CHRM5: variants seen among roughly 807,000 people sequenced by gnomAD.
CHRM5 encodes cholinergic receptor muscarinic 5.
Under a neutral mutation model 39.0 loss-of-function variants are expected in CHRM5, and 18 were observed. The ratio of observed to expected loss-of-function variants is 0.46; its 90% CI spans 0.32 to 0.68. CHRM5 has a LOEUF of 0.68. Among genes scored for constraint, CHRM5 ranks in the 30% least tolerant of loss-of-function variants. CHRM5 has a pLI of 0.04. For missense variants in CHRM5, 515 were observed against 651.1 expected (o/e 0.79, Z 2.28); for synonymous variants, 241 against 246.3 (o/e 0.98, Z 0.20).
In CHRM5 at chr15:34,047,519, A is replaced by G. The variant is rs148743275; in HGVS notation, c.-76+648A>G. 4.2e-3 allele frequency among the ~76,000 whole-genome samples: 646 copies of G among 152,246 alleles called. 1 individual carries two copies. Among genetic ancestry groups the G allele is most frequent in the Non-Finnish European group, 6.9e-3 (468 of 68,000 alleles). On this transcript the variant is annotated intron_variant, in intron 2 of 2. Coordinates refer to ENST00000383263, the MANE Select transcript of CHRM5 (RefSeq NM_012125.4). ...GGCCCCACTTCCCTGGCACCTCACA[A>G]GATAAGACCCACTGACTTGGAATTC... is the stretch of plus-strand genomic sequence containing the variant.
At chr15:34,031,500 G>A (rs932001384) in intron 1 of CHRM5, among the ~76,000 whole-genome samples, 1 of 152,142 alleles carries the variant, frequency 6.6e-6, no homozygotes, top group African/African-American at 2.4e-5. Context: ...TAAAATGTTT[G>A]CTATCCCTCA....
At chr15:33,980,995 A>C (rs1896115627) in intron 1 of CHRM5, among the ~76,000 whole-genome samples, 1 of 152,182 alleles carries the variant, frequency 6.6e-6, no homozygotes, top group Non-Finnish European at 1.5e-5. Flanking sequence ...TCACTTTAAA[A>C]TAGAGATCAT....
At chr15:33,972,976 T>C (rs1486972631) in intron 1 of CHRM5, among the ~76,000 whole-genome samples, 2 of 152,238 alleles carry the variant, frequency 1.3e-5, no homozygotes, top group African/African-American at 4.8e-5. Flanking sequence ...CAGTGGTGTG[T>C]AGAGAATTCT....
intron 1 of CHRM5, chr15:34,038,649 C>T: frequency 2.4e-6 from 2 of 845,540 alleles, no homozygotes; most frequent in Non-Finnish European, 2.9e-6. Context: ...CCGCCCGTCC[C>T]GCGCAGGCGC....
chr15:34,014,389 AAC>A (rs367660501), intron 1 of CHRM5, among the ~76,000 whole-genome samples: 52,568 of 90,622 alleles, frequency 0.58, 19,323 homozygotes, highest in Non-Finnish European at 0.75. Context: ...AAAAAACAAA[AAC>A]AAAAACCACG....
chr15:34,015,892 A>G (rs1897881840), intron 1 of CHRM5, among the ~76,000 whole-genome samples: 1 of 152,234 alleles, frequency 6.6e-6, no homozygotes, highest in Non-Finnish European at 1.5e-5. Flanking sequence ...CAACAATTGG[A>G]GACAGTACAT....
chr15:34,028,752 T>G (rs979382319), intron 1 of CHRM5, among the ~76,000 whole-genome samples: 3 of 152,142 alleles, frequency 2.0e-5, no homozygotes, highest in Non-Finnish European at 4.4e-5. Flanking sequence ...GAAGTTTCAG[T>G]AACTTTCCTG....
chr15:34,002,330 C>T (rs1897167750), intron 1 of CHRM5, among the ~76,000 whole-genome samples: 1 of 152,040 alleles, frequency 6.6e-6, no homozygotes, highest in Non-Finnish European at 1.5e-5. Context: ...TCCCACCCTC[C>T]CATCCCCAAC....
chr15:34,060,378 A>G (rs1207774494), intron 2 of CHRM5, among the ~76,000 whole-genome samples: 1 of 152,158 alleles, frequency 6.6e-6, no homozygotes, highest in Non-Finnish European at 1.5e-5. Flanking sequence ...CATCAACTCG[A>G]TTCCATATTG....
intron 1 of CHRM5, chr15:34,018,166 G>C (rs7175970): frequency 6.6e-6 from 1 of 152,188 alleles, no homozygotes; most frequent in African/African-American, 2.4e-5. Context: ...TATTCCAAAA[G>C]AAGGCATTGT....
chr15:34,000,627 C>CT (rs1243525110), intron 1 of CHRM5, among the ~76,000 whole-genome samples: 1 of 152,158 alleles, frequency 6.6e-6, no homozygotes, highest in East Asian at 1.9e-4. Context: ...GTCAGCTTAC[C>CT]TAGAAAACAC....
chr15:34,015,185 A>C (rs1226689017), intron 1 of CHRM5, among the ~76,000 whole-genome samples: 4 of 152,210 alleles, frequency 2.6e-5, no homozygotes, highest in Non-Finnish European at 5.9e-5. Flanking sequence ...GCACTTTTTA[A>C]AAAATTCCAC....
At chr15:34,017,545 C>G (rs546129774) in intron 1 of CHRM5, among the ~76,000 whole-genome samples, 7 of 137,252 alleles carry the variant, frequency 5.1e-5, no homozygotes, top group Non-Finnish European at 1.1e-4. Flanking sequence ...TGCAGTACTG[C>G]GATCAGCTTA....
chr15:33,993,837 AG>A (rs901339230), intron 1 of CHRM5, among the ~76,000 whole-genome samples: 7 of 3,062 alleles, frequency 2.3e-3, no homozygotes, highest in Admixed American at 0.014. Context: ...CTTAAAAAAT[AG>A]GGTTTTTTTT....
At chr15:34,020,328 A>G (rs1898150917) in intron 1 of CHRM5, among the ~76,000 whole-genome samples, 3 of 152,178 alleles carry the variant, frequency 2.0e-5, no homozygotes. Flanking sequence ...AAAGAAAAAA[A>G]AATAGAGGTT....
intron 1 of CHRM5, among the ~76,000 whole-genome samples, chr15:34,022,981 T>C (rs1009757091): frequency 3.3e-5 from 5 of 151,666 alleles, no homozygotes; most frequent in Admixed American, 6.6e-5. Context: ...AGGTCAGGAG[T>C]TCAAGACTAG....
Position 34,062,669 on chromosome 15 carries a change from A to G in CHRM5, c.-49A>G. On this transcript the variant is annotated 5_prime_UTR_variant, in exon 3 of 3. Coordinates refer to ENST00000383263, the MANE Select transcript of CHRM5 (RefSeq NM_012125.4). ...TGCTGGCCAAGAAGAGCTGAAATAGAAAACAGCCTAGAACCTAACACTATT... is the reference window on the plus strand; with the variant it reads ...TGCTGGCCAAGAAGAGCTGAAATAGGAAACAGCCTAGAACCTAACACTATT... 6.5e-7 allele frequency: 1 copy of G among 1,536,854 alleles called. No individual in the cohort carries two copies. Among genetic ancestry groups the G allele is most frequent in the Non-Finnish European group, 8.8e-7 (1 of 1,139,506 alleles).
rs374809132 is a variant in CHRM5, at chr15:34,044,995, C to T, written c.-407-1545C>T. 3.0e-4 allele frequency among the ~76,000 whole-genome samples: 45 copies of T among 152,260 alleles called. 1 individual carries two copies. In the East Asian group the frequency reaches 7.9e-3, roughly 27 times the overall value. ...CCTGGGAGGCGGAGCTTGCAGTGAG[C>T]CGAGATCGTGCCACTGCACTCCAGC... On this transcript the variant is annotated intron_variant, in intron 1 of 2. Transcript: ENST00000383263.
rs1339846086 is a variant in CHRM5, at chr15:34,065,322, A to C, written c.*1006A>C. On this transcript the variant is annotated 3_prime_UTR_variant, in exon 3 of 3. Transcript: ENST00000383263. ...TCTCTTCACAGGGCAAACCTGAGCA[A>C]AATGTGGAAAACAGATTTGCTTTTG... The C allele has an allele frequency of 2.0e-5, 3 of 152,200 alleles. No individual in the cohort carries two copies. Among genetic ancestry groups the C allele is most frequent in the African/African-American group, 4.8e-5 (2 of 41,460 alleles). 9.4% of individuals were successfully genotyped at this position (152,200 alleles called of 1,614,324 possible). A position where few individuals can be genotyped will look rare whatever the true frequency, so the allele number is the denominator to read the frequency against.
Sources: allele counts gnomAD v4.1 joint callset (sites outside exome capture counted in the v4.1 genomes callset), GRCh38; gene constraint gnomAD v4.1.1; transcripts MANE v1.5; gene names NCBI Gene and HGNC (gene_info 2026-07-23, HGNC 2026-07-21).